STK33: variants seen among roughly 807,000 people sequenced by gnomAD.
The protein encoded by STK33 is serine/threonine-protein kinase 33.
In STK33, 52 loss-of-function variants were observed where a neutral mutation model predicts 58.0. That is an observed-to-expected ratio of 0.90 (90% CI 0.72 to 1.13). The LOEUF is 1.13. STK33 is among the 50% of genes most tolerant of loss of function. STK33 has a pLI of 0.00. For missense variants in STK33, 630 were observed against 604.2 expected, an observed-to-expected ratio of 1.04 and a Z score of -0.45; for synonymous variants, 215 against 200.1, an observed-to-expected ratio of 1.07 and a Z score of -0.63.
chr11:8,464,297 G>C (rs954495663), intron 7 of STK33, among the ~76,000 whole-genome samples: 2 of 152,118 alleles, frequency 1.3e-5, no homozygotes, highest in African/African-American at 4.8e-5. Flanking sequence ...AACAGAATTA[G>C]CGAACAGTGA....
intron 1 of STK33, among the ~76,000 whole-genome samples, chr11:8,535,423 A>C (rs1240716668): frequency 1.3e-5 from 2 of 152,188 alleles, no homozygotes; most frequent in African/African-American, 4.8e-5. Flanking sequence ...AAAGGTGGGC[A>C]AAGGACATAA....
the STK33 span, among the ~76,000 whole-genome samples, chr11:8,375,462 G>A: frequency 6.6e-6 from 1 of 152,144 alleles, no homozygotes; most frequent in Non-Finnish European, 1.5e-5. Context: ...TAAGTAACTG[G>A]CCATATATGG....
At chr11:8,578,561 ATATAC>A (rs1211547237) in intron 1 of STK33, among the ~76,000 whole-genome samples, 6 of 151,894 alleles carry the variant, frequency 4.0e-5, no homozygotes, top group African/African-American at 1.4e-4. Context: ...TTTATATATA[ATATAC>A]TATATGTATA....
chr11:8,522,349 T>C (rs868145821), intron 1 of STK33, among the ~76,000 whole-genome samples: 2 of 152,004 alleles, frequency 1.3e-5, no homozygotes, highest in Non-Finnish European at 2.9e-5. Flanking sequence ...CTAGAAACCA[T>C]GATTCTGAGC....
chr11:8,457,397 T>C lies in STK33; in HGVS notation c.641A>G (p.Glu214Gly), dbSNP rs755738164. ...LDRKGHFSEN[E>G]TRWIIQSLAS... ...GAGACTTTGAATGATCCACCTTGTCTCATTCTCTGAGAAATGCCCTTTCCT... is the reference window on the plus strand; with the variant it reads ...GAGACTTTGAATGATCCACCTTGTCCCATTCTCTGAGAAATGCCCTTTCCT... Residue 214 changes from glutamate (E) to glycine (G), a missense_variant, in exon 9 of 16, where the codon GAG (glutamate) becomes GGG (glycine). By Grantham distance (98) the Glu-to-Gly change is moderately conservative (BLOSUM62 -2). Transcript: ENST00000687296. The C allele has an allele frequency of 6.2e-7, 1 of 1,608,558 alleles. No individual in the cohort carries two copies.
intron 12 of STK33, among the ~76,000 whole-genome samples, chr11:8,439,820 T>C (rs934280747): frequency 2.1e-5 from 3 of 146,336 alleles, no homozygotes; most frequent in African/African-American, 7.6e-5. Flanking sequence ...CTTCTCCGTA[T>C]ACAAATACAT....
At chr11:8,581,777 C>T (rs185290074) in intron 1 of STK33, among the ~76,000 whole-genome samples, 14 of 152,356 alleles carry the variant, frequency 9.2e-5, no homozygotes, top group Non-Finnish European at 1.3e-4. Context: ...TCTTCTTTCA[C>T]GGAACGTGTA....
intron 15 of STK33, among the ~76,000 whole-genome samples, chr11:8,396,856 C>T (rs1001216040): frequency 2.6e-5 from 4 of 152,174 alleles, no homozygotes; most frequent in Non-Finnish European, 5.9e-5. Flanking sequence ...CATGGAGCCT[C>T]GCTCATTGCT....
chr11:8,457,579 T>C (rs1591231074), intron 8 of STK33, 100 bp from the exon 9 acceptor site: 1 of 1,062,312 alleles, frequency 9.4e-7, no homozygotes, highest in East Asian at 2.5e-5. Context: ...TAATCATTAA[T>C]TTATTCATTC....
At chr11:8,504,133 A>G (rs1013407763) in intron 1 of STK33, among the ~76,000 whole-genome samples, 1 of 152,218 alleles carries the variant, frequency 6.6e-6, no homozygotes, top group Non-Finnish European at 1.5e-5. Flanking sequence ...CCTCTACACA[A>G]TAACAAAATA....
intron 1 of STK33, among the ~76,000 whole-genome samples, chr11:8,562,517 A>G (rs1438796128): frequency 6.6e-6 from 1 of 152,172 alleles, no homozygotes; most frequent in Non-Finnish European, 1.5e-5. Flanking sequence ...ACAGTGTATA[A>G]CAGAATTTAG....
At chr11:8,459,588 G>C (rs763497891) in intron 8 of STK33, among the ~76,000 whole-genome samples, 9 of 152,088 alleles carry the variant, frequency 5.9e-5, no homozygotes, top group Non-Finnish European at 1.0e-4. Context: ...TTATTCCTGA[G>C]AGAGAGGAAA....
In STK33 at chr11:8,400,280, C is replaced by A. The variant is rs555155689; in HGVS notation, c.1345-7570G>T. Among the ~76,000 whole-genome samples the A allele has an allele frequency of 2.8e-3, 427 of 152,198 alleles. 1 individual carries two copies. The highest frequency in any genetic ancestry group is 6.8e-3 in the Middle Eastern group (2 of 294). ...AAAAAGCTTATCCACCATGATCAAGCCGGCTTCATCCCTGGGATGCAAGGC... is the reference window on the plus strand; with the variant it reads ...AAAAAGCTTATCCACCATGATCAAGACGGCTTCATCCCTGGGATGCAAGGC... On this transcript the variant is annotated intron_variant, in intron 15 of 15. Coordinates refer to ENST00000687296, the MANE Select transcript of STK33 (RefSeq NM_001352389.2).
chr11:8,565,805 T>C (rs1054910060), intron 1 of STK33: 3 of 152,242 alleles, frequency 2.0e-5, no homozygotes, highest in Admixed American at 1.3e-4. Flanking sequence ...TGTCTGCTTC[T>C]GCCTATCTCT....
chr11:8,541,231 A>C (rs1479967372), intron 1 of STK33, among the ~76,000 whole-genome samples: 1 of 152,116 alleles, frequency 6.6e-6, no homozygotes. Context: ...AAACTGACCT[A>C]ATTTACTAAT....
chr11:8,518,451 C>A (rs1264071543), intron 1 of STK33, among the ~76,000 whole-genome samples: 1 of 152,168 alleles, frequency 6.6e-6, no homozygotes, highest in Non-Finnish European at 1.5e-5. Flanking sequence ...GCAAAATAAC[C>A]AGCTAACATC....
chr11:8,376,119 G>A, the STK33 span, among the ~76,000 whole-genome samples: 1 of 152,196 alleles, frequency 6.6e-6, no homozygotes, highest in Admixed American at 6.5e-5. Flanking sequence ...GAATGAGCGG[G>A]GTCAGAGCTG....
intron 1 of STK33, among the ~76,000 whole-genome samples, chr11:8,492,383 A>T (rs1278155227): frequency 6.6e-6 from 1 of 152,262 alleles, no homozygotes. Flanking sequence ...GATCAATTCA[A>T]CAAGAAGAGC....
chr11:8,465,238 A>G (rs930412458), intron 6 of STK33: 3 of 152,722 alleles, frequency 2.0e-5, no homozygotes, highest in African/African-American at 7.2e-5. Flanking sequence ...CTATACTACA[A>G]AATCGACACA....
Sources: gnomAD v4.1 joint callset for allele counts (sites outside exome capture counted in the v4.1 genomes callset) on GRCh38, gnomAD v4.1.1 for gene constraint, MANE v1.5 for transcripts, NCBI Gene and HGNC (gene_info 2026-07-23, HGNC 2026-07-21) for gene names.